Variants in ICA1 observed in about 807,000 individuals in gnomAD.
The protein encoded by ICA1 is islet cell autoantigen 1.
ICA1 carries 40 observed loss-of-function variants against 71.0 expected under a neutral mutation model. The observed-to-expected ratio is 0.56, with a 90% confidence interval of 0.44 to 0.73. The LOEUF (loss-of-function observed/expected upper bound fraction) is 0.73, where lower values mean the gene tolerates loss of function less well. Among genes scored for constraint, ICA1 ranks in the 30% least tolerant of loss-of-function variants. The probability of loss-of-function intolerance (pLI) is 0.00; values close to 1 mark genes in which losing one functional copy is unlikely to be tolerated. For missense variants in ICA1, 578 were observed against 576.5 expected (o/e 1.00, Z -0.03); for synonymous variants, 207 against 209.5 (o/e 0.99, Z 0.10).
intron 3 of ICA1, among the ~76,000 whole-genome samples, chr7:8,232,321 T>C (rs774304278): frequency 6.6e-6 from 1 of 152,236 alleles, no homozygotes; most frequent in African/African-American, 2.4e-5. Flanking sequence ...GCTCTTTGAC[T>C]GCATTCCTTT....
chr7:8,162,305 C>T (rs757834108), intron 6 of ICA1, among the ~76,000 whole-genome samples: 7 of 152,166 alleles, frequency 4.6e-5, no homozygotes, highest in Non-Finnish European at 8.8e-5. Context: ...TCTGAAAGGC[C>T]ATATGCTTTG....
intron 1 of ICA1, among the ~76,000 whole-genome samples, chr7:8,236,392 G>A (rs1231348854): frequency 1.3e-5 from 2 of 152,238 alleles, no homozygotes; most frequent in East Asian, 1.9e-4. Flanking sequence ...AGCAGACCAC[G>A]GCAGGAGATG....
intron 13 of ICA1, among the ~76,000 whole-genome samples, chr7:8,116,991 G>A (rs142571642): frequency 1.3e-5 from 2 of 152,310 alleles, no homozygotes; most frequent in East Asian, 3.9e-4. Context: ...TGTCAAGGGA[G>A]AGACTAGGTG....
intron 3 of ICA1, among the ~76,000 whole-genome samples, chr7:8,232,218 C>T (rs374033831): frequency 3.5e-4 from 54 of 152,184 alleles, no homozygotes; most frequent in Non-Finnish European, 6.6e-4. Flanking sequence ...CTTTCCACGA[C>T]GTTTTACCTG....
intron 6 of ICA1, among the ~76,000 whole-genome samples, chr7:8,190,794 T>C (rs1459970715): frequency 2.6e-5 from 4 of 152,228 alleles, no homozygotes; most frequent in African/African-American, 9.6e-5. Flanking sequence ...AGTTTATAAA[T>C]CTAACAGTGC....
chr7:8,133,347 T>G (rs1289342193), intron 12 of ICA1, among the ~76,000 whole-genome samples: 1 of 152,182 alleles, frequency 6.6e-6, no homozygotes, highest in African/African-American at 2.4e-5. Context: ...CAGGCTGGAG[T>G]GCAGTGGTGC....
At chr7:8,186,806 T>C (rs1168430930) in intron 6 of ICA1, among the ~76,000 whole-genome samples, 2 of 152,216 alleles carry the variant, frequency 1.3e-5, no homozygotes, top group East Asian at 3.8e-4. Flanking sequence ...AACGTGCCAC[T>C]GAGAAGGGGA....
In ICA1 at chr7:8,150,796, G is replaced by C. The variant is rs549792734; in HGVS notation, c.804+6320C>G. On this transcript the variant is annotated intron_variant, in intron 8 of 13. Coordinates refer to ENST00000402384, the MANE Select transcript of ICA1 (RefSeq NM_001136020.3). Reference sequence around the variant, plus strand: ...TGCTATTTTTAATTGAAAGTTTGCAGCTGTATTTTTTAAAGGTGGCACTTC... The same window carrying C: ...TGCTATTTTTAATTGAAAGTTTGCACCTGTATTTTTTAAAGGTGGCACTTC... 2.4e-4 allele frequency among the ~76,000 whole-genome samples: 36 copies of C among 152,344 alleles called. No homozygotes were observed. In the South Asian group the frequency reaches 6.6e-3, roughly 28 times the overall value.
At chr7:8,220,993 C>T (rs1435960235) in intron 5 of ICA1, among the ~76,000 whole-genome samples, 3 of 152,032 alleles carry the variant, frequency 2.0e-5, no homozygotes, top group African/African-American at 7.2e-5. Context: ...CAAACATAAG[C>T]CTAGGACAGC....
In ICA1 at chr7:8,183,919, A is replaced by T. The variant is rs193247940; in HGVS notation, c.580-25267T>A. Among the ~76,000 whole-genome samples the T allele has an allele frequency of 2.5e-3, 383 of 152,316 alleles. 3 individuals carry two copies. Among genetic ancestry groups the T allele is most frequent in the African/African-American group, 8.8e-3 (366 of 41,572 alleles). On this transcript the variant is annotated intron_variant, in intron 6 of 13. Transcript: ENST00000402384. Reference sequence around the variant, plus strand: ...TGAGACTTGGGCACAAACAATATATAAAAAACATAGTATTTGAAAAACACC... The same window carrying T: ...TGAGACTTGGGCACAAACAATATATTAAAAACATAGTATTTGAAAAACACC...
At chr7:8,189,951 G>A (rs1018329105) in intron 6 of ICA1, among the ~76,000 whole-genome samples, 1 of 152,224 alleles carries the variant, frequency 6.6e-6, no homozygotes, top group Non-Finnish European at 1.5e-5. Context: ...CCACAGTAAT[G>A]AGGGTTCTTT....
intron 13 of ICA1, among the ~76,000 whole-genome samples, chr7:8,127,146 A>G (rs1252533645): frequency 7.5e-6 from 1 of 133,504 alleles, no homozygotes; most frequent in African/African-American, 3.1e-5. Flanking sequence ...ATGCCTACCT[A>G]AGTTTTTTTT....
intron 9 of ICA1, 148 bp from the exon 10 acceptor site, chr7:8,141,965 T>C: frequency 6.6e-7 from 1 of 1,507,676 alleles, no homozygotes; most frequent in South Asian, 1.2e-5. Context: ...ATATAGTCAT[T>C]TACATGCCAA....
chr7:8,225,748 T>G (rs1306355804), intron 4 of ICA1, among the ~76,000 whole-genome samples: 1 of 152,236 alleles, frequency 6.6e-6, no homozygotes, highest in Non-Finnish European at 1.5e-5. Flanking sequence ...TTGATGACAG[T>G]GCAACACCAC....
intron 13 of ICA1, among the ~76,000 whole-genome samples, chr7:8,124,187 C>T (rs1788161994): frequency 7.6e-6 from 1 of 130,994 alleles, no homozygotes. Flanking sequence ...GTGGCGGGAT[C>T]TCGGCTCACT....
chr7:8,227,000 C>T lies in ICA1; in HGVS notation c.256+1601G>A, dbSNP rs761290539. ...GCATCCTTCTTTTCTTCCCTTGTTA[C>T]AATATATATTGTTTAATGAAAAGTG... is the stretch of plus-strand genomic sequence containing the variant. On this transcript the variant is annotated intron_variant, in intron 4 of 13. Coordinates refer to ENST00000402384, the MANE Select transcript of ICA1 (RefSeq NM_001136020.3). This position sits in a 1 kb window ranked among gnomAD's most constrained non-coding sequence, Gnocchi z 4.4. Among the ~76,000 whole-genome samples the T allele has an allele frequency of 2.0e-5, 3 of 152,206 alleles. No homozygotes were observed. The highest frequency in any genetic ancestry group is 1.5e-5 in the Non-Finnish European group (1 of 68,006).
chr7:8,178,773 A>C (rs1781345778), intron 6 of ICA1, among the ~76,000 whole-genome samples: 2 of 152,084 alleles, frequency 1.3e-5, no homozygotes, highest in African/African-American at 4.8e-5. Context: ...GCTCTGGAAA[A>C]TGTGGATCCT....
intron 1 of ICA1, among the ~76,000 whole-genome samples, chr7:8,247,533 T>A (rs1489282909): frequency 6.6e-6 from 1 of 152,044 alleles, no homozygotes; most frequent in East Asian, 1.9e-4. Flanking sequence ...CCATAAGACA[T>A]GCATAGTAGT....
At chr7:8,214,875 C>A (rs1007391226) in intron 6 of ICA1, among the ~76,000 whole-genome samples, 123 of 152,246 alleles carry the variant, frequency 8.1e-4, no homozygotes, top group African/African-American at 2.4e-3. Flanking sequence ...CTTGAACTTG[C>A]GATTTATTTA....
Sources: gnomAD v4.1 joint callset for allele counts (sites outside exome capture counted in the v4.1 genomes callset) on GRCh38, gnomAD v4.1.1 for gene constraint, Gnocchi (gnomAD v3.1) non-coding constraint, MANE v1.5 for transcripts, NCBI Gene and HGNC (gene_info 2026-07-23, HGNC 2026-07-21) for gene names.